ECT2: variants seen among roughly 807,000 people sequenced by gnomAD.
ECT2 encodes the protein epithelial cell transforming 2, also known as protein ECT2.
A neutral mutation model predicts 116.9 loss-of-function variants in ECT2; 61 were observed. The ratio of observed to expected loss-of-function variants is 0.52; its 90% confidence interval spans 0.42 to 0.65. ECT2 has a LOEUF of 0.65. Among genes scored for constraint, ECT2 ranks in the 30% least tolerant of loss-of-function variants. The pLI, the probability that ECT2 is intolerant of heterozygous loss-of-function variation, is 0.00. For synonymous variants in ECT2, 358 were observed against 346.4 expected (o/e 1.03, Z -0.37); for missense variants, 937 against 1,078.7 (o/e 0.87, Z 1.84).
At chr3:172,828,360 C>CTG in the ECT2 span, among the ~76,000 whole-genome samples, 3 of 72,640 alleles carry the variant, frequency 4.1e-5, no homozygotes, top group Non-Finnish European at 8.5e-5. Flanking sequence ...GTGGCTGTGT[C>CTG]TGTGTGTGTG....
chr3:172,808,659 A>G (rs926061730), intron 22 of ECT2, among the ~76,000 whole-genome samples: 3 of 152,060 alleles, frequency 2.0e-5, no homozygotes, highest in African/African-American at 7.2e-5. Context: ...TAGACCTCTT[A>G]CTCTTTGCAC....
intron 18 of ECT2, among the ~76,000 whole-genome samples, chr3:172,792,302 G>T (rs1016956227): frequency 6.6e-6 from 1 of 152,064 alleles, no homozygotes; most frequent in African/African-American, 2.4e-5. Context: ...CTTGACACAG[G>T]GTTGCTTACA....
intron 15 of ECT2, among the ~76,000 whole-genome samples, chr3:172,782,734 T>C (rs1168377240): frequency 2.0e-5 from 3 of 152,174 alleles, no homozygotes; most frequent in Non-Finnish European, 4.4e-5. Context: ...TGTTCCCCTC[T>C]ATGTGTCTAT....
intron 13 of ECT2, 61 bp downstream of exon 13, chr3:172,769,204 A>G: frequency 6.9e-7 from 1 of 1,455,124 alleles, no homozygotes; most frequent in Non-Finnish European, 9.3e-7. Flanking sequence ...AAAAAAATCT[A>G]GGTGATATTG....
At position 172,757,125 on chromosome 3, in the gene ECT2, T is replaced by C; in HGVS notation, c.446T>C (p.Ile149Thr). The C allele has an allele frequency of 2.6e-6, 4 of 1,554,102 alleles. No homozygotes were observed. The highest frequency in any genetic ancestry group is 2.6e-6 in the Non-Finnish European group (3 of 1,156,110). The change falls in exon 5 of 25, where the codon ATT becomes ACT. Residue 149 changes from isoleucine to threonine, a missense_variant. Physicochemically the swap from Ile to Thr is moderately conservative, Grantham distance 89. Coordinates refer to ENST00000392692, the MANE Select transcript of ECT2 (RefSeq NM_001258315.2). ...NDLYKADCRV[I>T]GPPVVLNCSQ... Reference sequence around the variant, plus strand: ...CTCTACAAGGCTGATTGTAGAGTTATTGGACCACCAGTTGTATTAAATTGT... The same window carrying C: ...CTCTACAAGGCTGATTGTAGAGTTACTGGACCACCAGTTGTATTAAATTGT...
At chr3:172,763,650 A>C (rs1718770676) in intron 11 of ECT2, among the ~76,000 whole-genome samples, 1 of 152,206 alleles carries the variant, frequency 6.6e-6, no homozygotes, top group South Asian at 2.1e-4. Flanking sequence ...CGTTAAGGAA[A>C]ATCTAGTGTT....
At chr3:172,827,855 A>G in the ECT2 span, among the ~76,000 whole-genome samples, 4 of 152,242 alleles carry the variant, frequency 2.6e-5, no homozygotes, top group Non-Finnish European at 2.9e-5. Context: ...CTAGACATCA[A>G]TCAAAGCTGA....
At chr3:172,785,467 G>T (rs758845737) in intron 17 of ECT2, among the ~76,000 whole-genome samples, 6 of 151,270 alleles carry the variant, frequency 4.0e-5, no homozygotes, top group Non-Finnish European at 7.4e-5. Flanking sequence ...AAGCCCAGGA[G>T]TTGGAGACCA....
the ECT2 span, among the ~76,000 whole-genome samples, chr3:172,827,475 A>C: frequency 6.6e-6 from 1 of 152,236 alleles, no homozygotes; most frequent in African/African-American, 2.4e-5. Flanking sequence ...TCTCATTTGC[A>C]ACCACATGGA....
chr3:172,771,388 C>T (rs185429432), intron 13 of ECT2: 2 of 152,054 alleles, frequency 1.3e-5, no homozygotes, highest in African/African-American at 2.4e-5. Context: ...AAAATCAAAA[C>T]GGTGAGTATA....
At chr3:172,825,479 TACTG>T (rs902069564), downstream of ECT2, among the ~76,000 whole-genome samples, 6 of 152,274 alleles carry the variant, frequency 3.9e-5, no homozygotes, top group African/African-American at 1.4e-4. Context: ...CAAAAAGAGT[TACTG>T]AAGGAAATTA....
intron 14 of ECT2, among the ~76,000 whole-genome samples, chr3:172,780,841 A>G (rs899141650): frequency 5.3e-5 from 8 of 151,970 alleles, no homozygotes; most frequent in African/African-American, 1.7e-4. Flanking sequence ...GGCCATTTGT[A>G]TATTATTTTT....
chr3:172,824,779 C>A (rs1730802406), downstream of ECT2, among the ~76,000 whole-genome samples: 1 of 152,044 alleles, frequency 6.6e-6, no homozygotes, highest in Admixed American at 6.5e-5. Context: ...TTTTATTCAC[C>A]CAATCCCCTA....
chr3:172,756,805 A>G (rs1303310662), intron 4 of ECT2, among the ~76,000 whole-genome samples, 178 bp from the exon 5 acceptor site: 1 of 152,218 alleles, frequency 6.6e-6, no homozygotes. Context: ...TAAGTACGTA[A>G]AGAAATATGG....
intron 15 of ECT2, among the ~76,000 whole-genome samples, chr3:172,783,323 AAT>A (rs1723045594): frequency 6.6e-6 from 1 of 152,052 alleles, no homozygotes; most frequent in Non-Finnish European, 1.5e-5. Context: ...AAAATTTACA[AAT>A]TATTTTCTCA....
intron 12 of ECT2, among the ~76,000 whole-genome samples, chr3:172,767,074 C>T (rs1237377534): frequency 6.6e-6 from 1 of 152,184 alleles, no homozygotes; most frequent in African/African-American, 2.4e-5. Flanking sequence ...ATGGCAGAGG[C>T]TTCTGGGTCT....
chr3:172,759,042 T>C lies in ECT2; in HGVS notation c.549T>C (p.Phe183=). Residue 183 remains phenylalanine (F), a synonymous_variant, in exon 6 of 25, where the codon TTT becomes TTC. Transcript: ENST00000392692. The part of the protein sequence containing the change: ...CTSMMNLVLC[F]TGFRKKEELV... Reference sequence around the variant, plus strand: ...GTATGATGAATCTAGTACTATGCTTTACTGGATTTAGGAAAAAAGAAGAAC... The same window carrying C: ...GTATGATGAATCTAGTACTATGCTTCACTGGATTTAGGAAAAAAGAAGAAC... 3 of 1,606,178 alleles carry C rather than the reference T, an allele frequency of 1.9e-6. No individual in the cohort carries two copies. Among genetic ancestry groups the C allele is most frequent in the Non-Finnish European group, 2.5e-6 (3 of 1,177,612 alleles).
intron 14 of ECT2, among the ~76,000 whole-genome samples, chr3:172,779,721 C>T (rs1722353901): frequency 6.6e-6 from 1 of 152,028 alleles, no homozygotes; most frequent in African/African-American, 2.4e-5. Context: ...GCCTGGTCAA[C>T]ATAGTGAGAA....
intron 7 of ECT2, among the ~76,000 whole-genome samples, chr3:172,760,502 G>A (rs1256676388): frequency 1.3e-5 from 2 of 150,606 alleles, no homozygotes; most frequent in Non-Finnish European, 3.0e-5. Context: ...GGCTGCTTTC[G>A]AACTCCTGGG....
Sources: gnomAD v4.1 joint callset for allele counts (sites outside exome capture counted in the v4.1 genomes callset) on GRCh38, gnomAD v4.1.1 for gene constraint, MANE v1.5 for transcripts, NCBI Gene and HGNC (gene_info 2026-07-23, HGNC 2026-07-21) for gene names.